TFDP2: variants seen among roughly 807,000 people sequenced by gnomAD.
TFDP2 encodes transcription factor Dp-2, also known as transcription factor Dp-2 (E2F dimerization partner 2).
In TFDP2, 17 loss-of-function variants were observed where a neutral mutation model predicts 59.3. The ratio of observed to expected loss-of-function variants is 0.29; its 90% CI spans 0.20 to 0.43. TFDP2 has a LOEUF of 0.43. TFDP2 is among the 20% of genes least tolerant of loss of function. The pLI is 1.00. For synonymous variants in TFDP2, 180 were observed against 194.7 expected (o/e 0.92, Z 0.63); for missense variants, 391 against 528.8 (o/e 0.74, Z 2.56).
chr3:142,080,379 T>C (rs2060595060), intron 3 of TFDP2, among the ~76,000 whole-genome samples: 1 of 152,004 alleles, frequency 6.6e-6, no homozygotes, highest in Non-Finnish European at 1.5e-5. Flanking sequence ...AATTAAATCA[T>C]ACCACCAGAG....
chr3:142,148,034 A>G (rs2063233610), intron 1 of TFDP2, among the ~76,000 whole-genome samples: 1 of 152,060 alleles, frequency 6.6e-6, no homozygotes, highest in African/African-American at 2.4e-5. Flanking sequence ...AGATGAATAT[A>G]TATTCACGAG....
rs1465541695 is a variant in TFDP2, at chr3:142,149,423, G to C, written c.-333C>G. On this transcript the variant is annotated 5_prime_UTR_variant, in exon 1 of 13. Transcript: ENST00000489671. ...GATGAAGGGTCAGGGCGCGCCCCGC[G>C]GGCCGGGCAGCTGCGGCAGCGCCGC... 1 of 383,524 alleles carries C rather than the reference G, an allele frequency of 2.6e-6. No homozygotes were observed. The highest frequency in any genetic ancestry group is 4.6e-6 in the Non-Finnish European group (1 of 216,802). 23.8% of individuals were successfully genotyped at this position (383,524 alleles called of 1,614,324 possible). A position where few individuals can be genotyped will look rare whatever the true frequency, so the allele number is the denominator to read the frequency against.
chr3:142,031,620 C>A (rs1285765652), intron 3 of TFDP2, among the ~76,000 whole-genome samples: 3 of 152,182 alleles, frequency 2.0e-5, no homozygotes, highest in Non-Finnish European at 4.4e-5. Flanking sequence ...ACAATTTCTC[C>A]TTAATCTTAT....
At chr3:142,015,350 T>G (rs1329191778) in intron 3 of TFDP2, among the ~76,000 whole-genome samples, 1 of 152,208 alleles carries the variant, frequency 6.6e-6, no homozygotes, top group Non-Finnish European at 1.5e-5. Context: ...TCCATTTTGA[T>G]GTCTTACACG....
chr3:142,140,565 G>A lies in TFDP2; in HGVS notation c.-93+8618C>T, dbSNP rs142821982. Among the ~76,000 whole-genome samples, 842 of 152,270 alleles carry A rather than the reference G, an allele frequency of 5.5e-3. 3 individuals carry two copies. Among genetic ancestry groups the A allele is most frequent in the African/African-American group, 0.019 (801 of 41,540 alleles). ...GGGTTTTGGTGTGGATGTCCTTTTTGTTGATGTTGATGCTATTCCTTTCTG... is the reference window on the plus strand; with the variant it reads ...GGGTTTTGGTGTGGATGTCCTTTTTATTGATGTTGATGCTATTCCTTTCTG... On this transcript the variant is annotated intron_variant, in intron 1 of 12. Transcript: ENST00000489671.
chr3:142,052,468 C>T (rs1046936188), intron 3 of TFDP2, among the ~76,000 whole-genome samples: 2 of 152,010 alleles, frequency 1.3e-5, no homozygotes, highest in Non-Finnish European at 2.9e-5. Flanking sequence ...TGGCGTGAAC[C>T]CAGGAGACGG....
intron 1 of TFDP2, among the ~76,000 whole-genome samples, chr3:142,138,161 T>C (rs960538659): frequency 6.6e-6 from 1 of 152,250 alleles, no homozygotes; most frequent in African/African-American, 2.4e-5. Flanking sequence ...TTTATTTGCG[T>C]AGAGGTGTTT....
At chr3:142,140,517 T>C (rs1168525580) in intron 1 of TFDP2, among the ~76,000 whole-genome samples, 1 of 152,212 alleles carries the variant, frequency 6.6e-6, no homozygotes, top group Admixed American at 6.5e-5. Flanking sequence ...CCTTTGGTCT[T>C]TGATGTTGGT....
At chr3:142,002,591 G>A (rs780629737) in intron 4 of TFDP2, among the ~76,000 whole-genome samples, 2 of 152,022 alleles carry the variant, frequency 1.3e-5, no homozygotes, top group Non-Finnish European at 2.9e-5. Context: ...GACCACGGAG[G>A]TAATCTCTAA....
At chr3:142,138,655 C>T (rs1332432760) in intron 1 of TFDP2, among the ~76,000 whole-genome samples, 1 of 152,192 alleles carries the variant, frequency 6.6e-6, no homozygotes, top group Non-Finnish European at 1.5e-5. Context: ...GGAGGTTGTT[C>T]AGTTTCCACG....
intron 9 of TFDP2, among the ~76,000 whole-genome samples, chr3:141,968,585 C>CAT (rs375064597): frequency 0.044 from 3,216 of 72,468 alleles, 251 homozygotes; most frequent in African/African-American, 0.094. Flanking sequence ...ATATATATCT[C>CAT]ATATATAGAT....
At chr3:142,030,712 C>CCAAGTACT (rs1351243385) in intron 3 of TFDP2, among the ~76,000 whole-genome samples, 1 of 151,392 alleles carries the variant, frequency 6.6e-6, no homozygotes, top group Non-Finnish European at 1.5e-5. Context: ...AATTAAACAT[C>CCAAGTACT]CAAGTACTCA....
intron 3 of TFDP2, among the ~76,000 whole-genome samples, chr3:142,009,665 G>A (rs2108287478): frequency 6.6e-6 from 1 of 150,440 alleles, no homozygotes; most frequent in East Asian, 2.0e-4. Flanking sequence ...AGCCAAGATA[G>A]CGCCACTGCA....
chr3:142,130,148 C>T lies in TFDP2; in HGVS notation c.-93+19035G>A, dbSNP rs74556174. Among the ~76,000 whole-genome samples the T allele has an allele frequency of 1.8e-3, 267 of 152,138 alleles. 2 individuals carry two copies. The highest frequency in any genetic ancestry group is 3.2e-3 in the Non-Finnish European group (215 of 67,996). On this transcript the variant is annotated intron_variant, in intron 1 of 12. Transcript: ENST00000489671. ...GGTCTCAAAGAGCTTTTTGCATAAC[C>T]ATATTCACAGCAGCATTATTCATAA...
Position 142,140,386 on chromosome 3 carries a change from G to A in TFDP2, c.-93+8797C>T, listed in dbSNP as rs554191788. ...TGTCAACTCATCAAAGTCATTCTCC[G>A]TCCAGCTTTATGCCGTTGCTGACGA... On this transcript the variant is annotated intron_variant, in intron 1 of 12. Coordinates refer to ENST00000489671, the MANE Select transcript of TFDP2 (RefSeq NM_001178139.2). 5.3e-5 allele frequency among the ~76,000 whole-genome samples: 8 copies of A among 152,200 alleles called. No homozygotes were observed. The East Asian group carries it at 1.5e-3, about 29-fold the overall frequency.
intron 3 of TFDP2, among the ~76,000 whole-genome samples, chr3:142,038,270 G>T (rs1463979263): frequency 1.3e-5 from 2 of 151,130 alleles, no homozygotes; most frequent in African/African-American, 2.4e-5. Flanking sequence ...TGTAGTCCCA[G>T]CTACTCAGGA....
chr3:142,033,487 T>C lies in TFDP2; in HGVS notation c.83-27943A>G, dbSNP rs60311564. ...ACCCCTATGCATGCTTTATCACAAC[T>C]TAGTGGGGCCCACAGAATTAAGTTT... On this transcript the variant is annotated intron_variant, in intron 3 of 12. Coordinates refer to ENST00000489671, the MANE Select transcript of TFDP2 (RefSeq NM_001178139.2). 8.1e-3 allele frequency among the ~76,000 whole-genome samples: 1,229 copies of C among 152,234 alleles called. 18 individuals are homozygous for C. Among genetic ancestry groups the C allele is most frequent in the African/African-American group, 0.027 (1,141 of 41,512 alleles).
Position 142,023,813 on chromosome 3 carries a change from A to AT in TFDP2, c.83-18270dup, listed in dbSNP as rs567583847. ...AAATTTATCCATTAAAGATTTTTAA[A>AT]TTTTTTTTGAGACAGGGTCTTGCTC... On this transcript the variant is annotated intron_variant, in intron 3 of 12. Coordinates refer to ENST00000489671, the MANE Select transcript of TFDP2 (RefSeq NM_001178139.2). 4.8e-3 allele frequency among the ~76,000 whole-genome samples: 724 copies of AT among 151,810 alleles called. 5 individuals are homozygous for AT. Among genetic ancestry groups the AT allele is most frequent in the Non-Finnish European group, 5.3e-3 (362 of 67,858 alleles).
At chr3:142,147,058 C>T (rs1323378317) in intron 1 of TFDP2, among the ~76,000 whole-genome samples, 5 of 105,120 alleles carry the variant, frequency 4.8e-5, no homozygotes, top group Non-Finnish European at 1.0e-4. Context: ...AACCCTGTCT[C>T]AAAAAAAAAA....
Sources: gnomAD v4.1 joint callset for allele counts (sites outside exome capture counted in the v4.1 genomes callset) on GRCh38, gnomAD v4.1.1 for gene constraint, MANE v1.5 for transcripts, NCBI Gene and HGNC (gene_info 2026-07-23, HGNC 2026-07-21) for gene names.